Variants in TCF12 observed in about 807,000 individuals in gnomAD.
TCF12 encodes the protein DNA-binding protein HTF4.
Under a neutral mutation model 86.0 loss-of-function variants are expected in TCF12, and 45 were observed. That is an observed-to-expected ratio of 0.52 (90% CI 0.41 to 0.67). The LOEUF (loss-of-function observed/expected upper bound fraction) is 0.67, where lower values mean the gene tolerates loss of function less well. Ranked by LOEUF, TCF12 falls within the 30% of genes least tolerant of loss-of-function variation. The probability of loss-of-function intolerance (pLI) is 0.00; values close to 1 mark genes in which losing one functional copy is unlikely to be tolerated. For missense variants in TCF12, 881 were observed against 859.9 expected (o/e 1.02, Z -0.31); for synonymous variants, 330 against 299.6 (o/e 1.10, Z -1.05).
At chr15:57,209,008 G>C (rs139319273) in intron 8 of TCF12, among the ~76,000 whole-genome samples, 2 of 152,130 alleles carry the variant, frequency 1.3e-5, no homozygotes, top group African/African-American at 4.8e-5. Context: ...GAGTCACTGC[G>C]GCCAGCCCAA....
intron 3 of TCF12, among the ~76,000 whole-genome samples, chr15:56,994,834 G>A (rs928197210): frequency 1.3e-5 from 2 of 152,074 alleles, no homozygotes; most frequent in African/African-American, 4.8e-5. Flanking sequence ...TAAGACAAAA[G>A]GGAAATTTAT....
chr15:56,965,291 A>G (rs1288319299), intron 3 of TCF12, among the ~76,000 whole-genome samples: 1 of 152,178 alleles, frequency 6.6e-6, no homozygotes, highest in Non-Finnish European at 1.5e-5. Context: ...AAGGAAAGTA[A>G]TTCTAGGGAC....
At chr15:56,997,355 G>C (rs1386490611) in intron 3 of TCF12, among the ~76,000 whole-genome samples, 1 of 152,104 alleles carries the variant, frequency 6.6e-6, no homozygotes, top group African/African-American at 2.4e-5. Context: ...CATCCTGTGG[G>C]AACTGATGCA....
At chr15:56,924,082 G>A (rs749952553) in intron 3 of TCF12, among the ~76,000 whole-genome samples, 2 of 151,892 alleles carry the variant, frequency 1.3e-5, no homozygotes, top group Admixed American at 6.6e-5. Context: ...TTGACATAGG[G>A]CCAGAAAAAT....
intron 3 of TCF12, among the ~76,000 whole-genome samples, chr15:56,921,700 A>G (rs1345758965): frequency 3.9e-5 from 6 of 152,072 alleles, no homozygotes; most frequent in Non-Finnish European, 8.8e-5. Flanking sequence ...CATCATCTTA[A>G]GAAAACCAAC....
At chr15:57,016,940 C>T (rs756084300) in intron 3 of TCF12, among the ~76,000 whole-genome samples, 2 of 152,124 alleles carry the variant, frequency 1.3e-5, no homozygotes, top group Non-Finnish European at 2.9e-5. Flanking sequence ...TTCCTGTAAA[C>T]GCACTGGGCA....
At chr15:57,069,435 C>T (rs3111100) in intron 4 of TCF12, among the ~76,000 whole-genome samples, 3,258 of 152,260 alleles carry the variant, frequency 0.021, 121 homozygotes, top group African/African-American at 0.07. Context: ...ATGGTTTTCT[C>T]TTCTGTCTGT....
intron 13 of TCF12, chr15:57,247,763 C>G: frequency 5.4e-6 from 4 of 741,858 alleles, no homozygotes; most frequent in Admixed American, 3.5e-5. Context: ...CTTGTGTGGT[C>G]TAGCACACCT....
At chr15:57,048,866 A>C (rs1299104554) in intron 3 of TCF12, among the ~76,000 whole-genome samples, 3 of 152,160 alleles carry the variant, frequency 2.0e-5, no homozygotes, top group Non-Finnish European at 2.9e-5. Context: ...ACCCATCATC[A>C]ATATCAAGAT....
At chr15:57,056,151 G>GTT (rs2068009929) in intron 3 of TCF12, among the ~76,000 whole-genome samples, 2 of 138,360 alleles carry the variant, frequency 1.4e-5, no homozygotes, top group South Asian at 4.6e-4. Flanking sequence ...GTGTGTGTGT[G>GTT]TGTTTTGAGA....
At chr15:57,289,873 T>G (rs1245436134), downstream of TCF12, 2 of 152,224 alleles carry the variant, frequency 1.3e-5, no homozygotes, top group Non-Finnish European at 1.5e-5. Context: ...TGATTCCTCT[T>G]CAGCCATCCT....
Position 57,137,651 on chromosome 15 carries a change from G to A in TCF12, c.326-28751G>A, listed in dbSNP as rs151043860. ...GCTATCTAGATTTTTTTCACTTGTA[G>A]AGTGTAATAATTTGCAAATGTTTTG... On this transcript the variant is annotated intron_variant, in intron 5 of 20. Coordinates refer to ENST00000333725, the MANE Select transcript of TCF12 (RefSeq NM_207037.2). Among the ~76,000 whole-genome samples, 457 of 152,274 alleles carry A rather than the reference G, an allele frequency of 3.0e-3. 1 individual carries two copies. The highest frequency in any genetic ancestry group is 0.011 in the African/African-American group (440 of 41,540).
chr15:56,963,133 C>G (rs1412705442), intron 3 of TCF12, among the ~76,000 whole-genome samples: 2 of 149,072 alleles, frequency 1.3e-5, no homozygotes, highest in African/African-American at 4.9e-5. Context: ...TTTATTCTAG[C>G]CTTTTCTATT....
chr15:57,208,622 C>A (rs1432133599), intron 8 of TCF12, among the ~76,000 whole-genome samples: 1 of 151,126 alleles, frequency 6.6e-6, no homozygotes, highest in Non-Finnish European at 1.5e-5. Flanking sequence ...TGGACTCAAG[C>A]GATCCACCCA....
intron 3 of TCF12, among the ~76,000 whole-genome samples, chr15:57,025,789 TG>T (rs1251022207): frequency 6.6e-6 from 1 of 152,236 alleles, no homozygotes; most frequent in African/African-American, 2.4e-5. Flanking sequence ...AAACGTAGAA[TG>T]AAACCTTAAA....
intron 3 of TCF12, among the ~76,000 whole-genome samples, chr15:56,954,527 TA>T: frequency 1.3e-5 from 2 of 152,272 alleles, no homozygotes; most frequent in East Asian, 3.9e-4. Flanking sequence ...ACTTCATGAC[TA>T]AAACACCAAA....
intron 3 of TCF12, 89 bp from the exon 4 acceptor site, chr15:57,063,661 A>T: frequency 1.9e-6 from 2 of 1,026,168 alleles, no homozygotes; most frequent in Admixed American, 4.0e-5. Flanking sequence ...CGCAAATACC[A>T]CTTGCTAAAT....
At chr15:57,210,293 C>T (rs1025311563) in intron 8 of TCF12, among the ~76,000 whole-genome samples, 1 of 151,178 alleles carries the variant, frequency 6.6e-6, no homozygotes, top group African/African-American at 2.4e-5. Context: ...TTAGCTGACT[C>T]AGACAAGGTA....
At chr15:57,242,398 T>G (rs1312994141) in intron 12 of TCF12, among the ~76,000 whole-genome samples, 3 of 152,066 alleles carry the variant, frequency 2.0e-5, no homozygotes, top group Admixed American at 2.0e-4. Context: ...TTAAAGTGTT[T>G]ACTGTTGTTG....
Sources: gnomAD v4.1 joint callset for allele counts (sites outside exome capture counted in the v4.1 genomes callset) on GRCh38, gnomAD v4.1.1 for gene constraint, MANE v1.5 for transcripts, NCBI Gene and HGNC (gene_info 2026-07-23, HGNC 2026-07-21) for gene names.